The following SHROOM3 variants were observed in gnomAD, a reference collection of about 807,000 sequenced individuals.
The protein encoded by SHROOM3 is protein Shroom3.
Under a neutral mutation model 138.6 loss-of-function variants are expected in SHROOM3, and 47 were observed. The observed-to-expected ratio is 0.34, with a 90% CI of 0.27 to 0.43. SHROOM3 has a LOEUF of 0.43. SHROOM3 is among the 20% of genes least tolerant of loss of function. The pLI is 1.00. For synonymous variants in SHROOM3, 1,062 were observed against 1,063.3 expected, an observed-to-expected ratio of 1.00 and a Z score of 0.02; for missense variants, 2,491 against 2,596.5, an observed-to-expected ratio of 0.96 and a Z score of 0.88.
At chr4:76,666,713 A>C (rs1334992716) in intron 2 of SHROOM3, among the ~76,000 whole-genome samples, 2 of 152,216 alleles carry the variant, frequency 1.3e-5, no homozygotes, top group Non-Finnish European at 2.9e-5. Context: ...TTCAATTCTT[A>C]TATCTTAATT....
intron 1 of SHROOM3, among the ~76,000 whole-genome samples, chr4:76,495,581 G>A (rs962100660): frequency 2.0e-5 from 3 of 152,244 alleles, no homozygotes; most frequent in East Asian, 1.9e-4. Context: ...TCAGTACATC[G>A]CTTGTAATGA....
chr4:76,627,252 G>T (rs1300465560), intron 2 of SHROOM3, among the ~76,000 whole-genome samples: 1 of 152,128 alleles, frequency 6.6e-6, no homozygotes, highest in Non-Finnish European at 1.5e-5. Context: ...GCAGCCTGCA[G>T]GGGGAGATCC....
chr4:76,519,195 G>A (rs536285857), intron 1 of SHROOM3, among the ~76,000 whole-genome samples: 20 of 152,252 alleles, frequency 1.3e-4, no homozygotes, highest in African/African-American at 4.8e-4. Context: ...ACTGTAGACG[G>A]GAGGGCTATT....
chr4:76,761,019 A>G, intron 9 of SHROOM3, among the ~76,000 whole-genome samples: 1 of 151,900 alleles, frequency 6.6e-6, no homozygotes, highest in Admixed American at 6.6e-5. Context: ...CCCTATCTTA[A>G]TTTTTAAGTG....
At chr4:76,671,881 G>C (rs1718895199) in intron 2 of SHROOM3, among the ~76,000 whole-genome samples, 1 of 152,072 alleles carries the variant, frequency 6.6e-6, no homozygotes, top group South Asian at 2.1e-4. Context: ...ATATTTACCA[G>C]CTGAGCATCC....
chr4:76,738,731 G>A (rs891989362), intron 4 of SHROOM3, 30 bp from the exon 5 acceptor site: 1 of 1,612,992 alleles, frequency 6.2e-7, no homozygotes, highest in Non-Finnish European at 8.5e-7. Flanking sequence ...TAACAGCTCA[G>A]TGGTACTGAC....
At chr4:76,704,243 C>T (rs375486414) in intron 2 of SHROOM3, among the ~76,000 whole-genome samples, 1 of 152,164 alleles carries the variant, frequency 6.6e-6, no homozygotes, top group South Asian at 2.1e-4. Flanking sequence ...TGTGTGCCTA[C>T]CAGGAGACAC....
intron 1 of SHROOM3, among the ~76,000 whole-genome samples, chr4:76,441,094 T>G (rs1315174656): frequency 2.3e-5 from 3 of 133,206 alleles, no homozygotes; most frequent in African/African-American, 8.2e-5. Flanking sequence ...TTGTTTTTTT[T>G]TTTTTTTTTT....
Position 76,693,741 on chromosome 4 carries a change from G to A in SHROOM3, c.324-16415G>A, listed in dbSNP as rs532734560. Among the ~76,000 whole-genome samples, 13 of 151,698 alleles carry A rather than the reference G, an allele frequency of 8.6e-5. No individual in the cohort carries two copies. In the South Asian group the frequency reaches 1.7e-3, roughly 19 times the overall value. On this transcript the variant is annotated intron_variant, in intron 2 of 10. Coordinates refer to ENST00000296043, the MANE Select transcript of SHROOM3 (RefSeq NM_020859.4). ...TTTAAAATGTGAAGTTCTTGTGTAC[G>A]TGATCAAAATACTACTGGGGTTTGG...
chr4:76,447,382 T>A lies in SHROOM3; in HGVS notation c.168+11162T>A, dbSNP rs1380440897. Among the ~76,000 whole-genome samples, 5 of 152,276 alleles carry A rather than the reference T, an allele frequency of 3.3e-5. No homozygotes were observed. In the Middle Eastern group the frequency reaches 0.014, roughly 414 times the overall value. On this transcript the variant is annotated intron_variant, in intron 1 of 10. Coordinates refer to ENST00000296043, the MANE Select transcript of SHROOM3 (RefSeq NM_020859.4). ...AAGTTAAAATTTTTAATGAAAGAAG[T>A]TGTGTGGGTACAATGTAAGCTTTTA...
At chr4:76,623,415 G>A (rs1442486680) in intron 2 of SHROOM3, among the ~76,000 whole-genome samples, 1 of 152,128 alleles carries the variant, frequency 6.6e-6, no homozygotes, top group East Asian at 1.9e-4. Flanking sequence ...CTGTCTGCCT[G>A]GTCACTTAAC....
chr4:76,496,847 T>C (rs772580031), intron 1 of SHROOM3, among the ~76,000 whole-genome samples: 3 of 152,312 alleles, frequency 2.0e-5, no homozygotes, highest in Non-Finnish European at 4.4e-5. Flanking sequence ...TCCACTTCTG[T>C]ATTATATACT....
chr4:76,639,545 T>C (rs1735602315), intron 2 of SHROOM3: 1 of 398,496 alleles, frequency 2.5e-6, no homozygotes, highest in Non-Finnish European at 4.4e-6. Context: ...CCAATCTCAT[T>C]GCTGGCCTGT....
intron 9 of SHROOM3, among the ~76,000 whole-genome samples, chr4:76,769,290 G>T (rs1722270158): frequency 6.6e-6 from 1 of 150,958 alleles, no homozygotes; most frequent in Non-Finnish European, 1.5e-5. Flanking sequence ...GTATGCATGT[G>T]TGTATGTACA....
chr4:76,733,719 G>A (rs1163636680), intron 4 of SHROOM3, among the ~76,000 whole-genome samples: 1 of 152,122 alleles, frequency 6.6e-6, no homozygotes. Flanking sequence ...GACAGCCTTA[G>A]TTTAAGTTCC....
chr4:76,762,179 G>C (rs1313687815), intron 9 of SHROOM3, among the ~76,000 whole-genome samples: 1 of 152,164 alleles, frequency 6.6e-6, no homozygotes, highest in Non-Finnish European at 1.5e-5. Context: ...AAATGGAAGT[G>C]GTAATGATCT....
intron 2 of SHROOM3, among the ~76,000 whole-genome samples, chr4:76,596,581 A>AACAC (rs58214296): frequency 0.15 from 20,797 of 137,974 alleles, 1,611 homozygotes; most frequent in Admixed American, 0.2. Context: ...GGTACAGAGA[A>AACAC]ACACACACAC....
chr4:76,560,907 G>T (rs1016475832), intron 2 of SHROOM3, among the ~76,000 whole-genome samples: 1 of 152,182 alleles, frequency 6.6e-6, no homozygotes, highest in African/African-American at 2.4e-5. Context: ...AAATTGTTGT[G>T]AGGATTAAAT....
At chr4:76,701,170 TG>T in intron 2 of SHROOM3, among the ~76,000 whole-genome samples, 1 of 152,322 alleles carries the variant, frequency 6.6e-6, no homozygotes, top group East Asian at 1.9e-4. Context: ...GAATGCTGTC[TG>T]GGTGTCAGGG....
Sources: allele counts gnomAD v4.1 joint callset (sites outside exome capture counted in the v4.1 genomes callset), GRCh38; gene constraint gnomAD v4.1.1; transcripts MANE v1.5; gene names NCBI Gene and HGNC (gene_info 2026-07-23, HGNC 2026-07-21).